AKAP8L: variants seen among roughly 807,000 people sequenced by gnomAD.
AKAP8L encodes the protein A-kinase anchor protein 8-like.
Under a neutral mutation model 77.5 loss-of-function variants are expected in AKAP8L, and 34 were observed. That is an observed-to-expected ratio of 0.44 (90% CI 0.33 to 0.58). The LOEUF (loss-of-function observed/expected upper bound fraction) is 0.58, where lower values mean the gene tolerates loss of function less well. AKAP8L is among the 20% of genes least tolerant of loss of function. The pLI is 0.02. For synonymous variants in AKAP8L, 342 were observed against 340.7 expected, an observed-to-expected ratio of 1.00 and a Z score of -0.04; for missense variants, 806 against 887.6, an observed-to-expected ratio of 0.91 and a Z score of 1.17.
rs760380831 is a variant in AKAP8L at position 15,410,541 on chromosome 19, C to T, written c.67G>A (p.Ala23Thr). The change falls in exon 2 of 14, where the codon GCT becomes ACT. Residue 23 changes from alanine to threonine, a missense_variant. Coordinates refer to ENST00000397410, the MANE Select transcript of AKAP8L (RefSeq NM_014371.4). ...TLQSTYSDTS[A>T]QPTCDYGYGT... ...TTACCATAATCACAGGTGGGCTGAG[C>T]GCTGGTATCCGAGTATGTCGACTGC... is the stretch of plus-strand genomic sequence containing the variant. 3 of 1,588,138 alleles carry T rather than the reference C, an allele frequency of 1.9e-6. No homozygotes were observed. Among genetic ancestry groups the T allele is most frequent in the African/African-American group, 1.3e-5 (1 of 74,500 alleles).
intron 1 of AKAP8L, among the ~76,000 whole-genome samples, chr19:15,414,537 G>A (rs1968168387): frequency 6.6e-6 from 1 of 151,714 alleles, no homozygotes; most frequent in Non-Finnish European, 1.5e-5. Flanking sequence ...CGCCCAGGCT[G>A]GAGTGCAGTG....
intron 12 of AKAP8L, among the ~76,000 whole-genome samples, chr19:15,384,082 C>G (rs1161165714): frequency 6.6e-6 from 1 of 151,720 alleles, no homozygotes; most frequent in Non-Finnish European, 1.5e-5. Context: ...TAGGCACCCA[C>G]CACCCCACCC....
rs868730441 is a variant in AKAP8L at position 15,397,863 on chromosome 19, A to G, written c.1158-8T>C. The stretch of plus-strand genomic sequence containing the variant: ...GAACACACAAACTGGATCCTGCCAC[A>G]GGAAGGAAACGAGGGGCTGAGGCTG... On this transcript the variant is annotated splice_region_variant and splice_polypyrimidine_tract_variant and intron_variant, in intron 9 of 13. Transcript: ENST00000397410. The surrounding 1 kb of genome is among the most constrained non-coding windows in gnomAD (Gnocchi z 4.7). 24 of 1,613,436 alleles carry G rather than the reference A, an allele frequency of 1.5e-5. No individual in the cohort carries two copies. Among genetic ancestry groups the G allele is most frequent in the Non-Finnish European group, 1.9e-5 (23 of 1,179,636 alleles).
chr19:15,414,565 T>A (rs1968169074), intron 1 of AKAP8L, among the ~76,000 whole-genome samples: 1 of 151,826 alleles, frequency 6.6e-6, no homozygotes, highest in Non-Finnish European at 1.5e-5. Flanking sequence ...CTTGGCTCAC[T>A]GCAAGCTCCG....
chr19:15,380,259 G>A lies in AKAP8L; in HGVS notation c.1804C>T (p.Pro602Ser). The A allele has an allele frequency of 1.3e-6, 2 of 1,498,936 alleles. No homozygotes were observed. Among genetic ancestry groups the A allele is most frequent in the East Asian group, 2.7e-5 (1 of 37,566 alleles). The allele number at this position is 1,498,936 out of a possible 1,614,324, so 92.9% of individuals were successfully genotyped here. A position where few individuals can be genotyped will look rare whatever the true frequency, so the allele number is the denominator to read the frequency against. ...TCCTCTGGGGGCGGCGGCGGTGGCG[G>A]CGACACGGCCCCGGGGGCTGGCTCT... Reference protein sequence around the residue: ...PPEPAPGAVSPPPPPPPEEEE... With the variant: ...PPEPAPGAVSSPPPPPPEEEE... Residue 602 changes from proline to serine, a missense_variant, in exon 14 of 14, where the codon CCG becomes TCG. Pro to Ser is a moderately conservative substitution (Grantham distance 74, BLOSUM62 -1). Around this residue, in one of 2 missense-constraint regions of AKAP8L, gnomAD observed 226 missense variants for 193.5 expected, o/e 1.17. Coordinates refer to ENST00000397410, the MANE Select transcript of AKAP8L (RefSeq NM_014371.4).
chr19:15,395,916 G>A (rs533406324), intron 12 of AKAP8L, among the ~76,000 whole-genome samples: 4 of 130,496 alleles, frequency 3.1e-5, no homozygotes, highest in East Asian at 5.1e-4. Flanking sequence ...CCCGGGAGGC[G>A]GAGCTTGCAG....
At position 15,380,422 on chromosome 19, in the gene AKAP8L, G is replaced by A; in HGVS notation, c.1641C>T (p.Asn547=). ...KKLERYLKGE[N]PFTDSPEEEK... ...CCTCCTCGGGGCTGTCGGTGAAAGGGTTCTCGCCCTGTGGGGAGGGGCGCG... is the reference window on the plus strand; with the variant it reads ...CCTCCTCGGGGCTGTCGGTGAAAGGATTCTCGCCCTGTGGGGAGGGGCGCG... The change falls in exon 14 of 14, where the codon AAC becomes AAT. Residue 547 remains asparagine (N), a synonymous_variant. Transcript: ENST00000397410. 1 of 1,604,204 alleles carries A rather than the reference G, an allele frequency of 6.2e-7. No homozygotes were observed. The highest frequency in any genetic ancestry group is 8.5e-7 in the Non-Finnish European group (1 of 1,176,170).
Position 15,399,981 on chromosome 19 carries a change from G to A in AKAP8L, c.1048+314C>T, listed in dbSNP as rs955173081. 4.1e-5 allele frequency: 20 copies of A among 482,238 alleles called. No individual in the cohort carries two copies. In the East Asian group the frequency reaches 4.2e-4, roughly 10 times the overall value. The allele number at this position is 482,238 out of a possible 1,614,324, so 29.9% of individuals were successfully genotyped here. ...AGCCACTGAGGACTTGGAACTGCGC[G>A]TTACTGAGGGACCGAGGGCAGGGGG... is the stretch of plus-strand genomic sequence containing the variant. On this transcript the variant is annotated intron_variant, in intron 8 of 13. Transcript: ENST00000397410. The surrounding 1 kb of genome is among the most constrained non-coding windows in gnomAD (Gnocchi z 6.1).
Position 15,380,368 on chromosome 19 carries a change from A to G in AKAP8L, c.1695T>C (p.Gly565=), listed in dbSNP as rs763186493. 3.1e-5 allele frequency: 48 copies of G among 1,563,628 alleles called. No individual in the cohort carries two copies. The South Asian group carries it at 5.2e-4, about 17-fold the overall frequency. Residue 565 remains glycine, a synonymous_variant, in exon 14 of 14, where the codon GGT becomes GGC. Transcript: ENST00000397410. ...CGCCCTGCGCCCCCTCGTCCAGGGC[A>G]CCGCCCTCAGCCTCCTCCTGCTCCT... ...EEKEQEEAEG[G]ALDEGAQGEA...
chr19:15,397,762 A>C lies in AKAP8L; in HGVS notation c.1251T>G (p.Phe417Leu), dbSNP rs769309592. 3 of 1,614,006 alleles carry C rather than the reference A, an allele frequency of 1.9e-6. No homozygotes were observed. Among genetic ancestry groups the C allele is most frequent in the Non-Finnish European group, 2.5e-6 (3 of 1,179,886 alleles). Residue 417 changes from phenylalanine (F) to leucine (L), a missense_variant, in exon 10 of 14, where the codon TTT becomes TTG. Phe to Leu is a conservative substitution (Grantham distance 22). Transcript: ENST00000397410. This position sits in a 1 kb window ranked among gnomAD's most constrained non-coding sequence, Gnocchi z 4.7. ...TAGGGAGCTTGGTGCCTACGTACTT[A>C]AAGTGTTCCTTGTGGAACTTGCTGT... ...HLDSKFHKEH[F>L]KYVGTKLPKQ...
In AKAP8L at chr19:15,403,414, G is replaced by C; in HGVS notation, c.362+61C>G. The C allele has an allele frequency of 6.6e-7, 1 of 1,522,982 alleles. No homozygotes were observed. Among genetic ancestry groups the C allele is most frequent in the Non-Finnish European group, 9.1e-7 (1 of 1,100,768 alleles). The allele number at this position is 1,522,982 out of a possible 1,614,324, so 94.3% of individuals were successfully genotyped here. On this transcript the variant is annotated intron_variant, in intron 4 of 13. Coordinates refer to ENST00000397410, the MANE Select transcript of AKAP8L (RefSeq NM_014371.4). The surrounding 1 kb of genome is among the most constrained non-coding windows in gnomAD (Gnocchi z 4.3). ...AGGGGCACTCAGAGAGGAAAACGCA[G>C]TGGGCAGCAGGCAGGAGCCGCCCCT...
rs566271359 is a variant in AKAP8L at position 15,392,031 on chromosome 19, A to G, written c.1536+5119T>C. 3.3e-5 allele frequency among the ~76,000 whole-genome samples: 5 copies of G among 152,290 alleles called. 1 individual carries two copies. Among genetic ancestry groups the G allele is most frequent in the African/African-American group, 1.2e-4 (5 of 41,560 alleles). ...GTTTCTTTTATACAGACAGGGTCTC[A>G]CTATGTTGCCCATGCTGGTCTCAAA... is the stretch of plus-strand genomic sequence containing the variant. On this transcript the variant is annotated intron_variant, in intron 12 of 13. Transcript: ENST00000397410.
chr19:15,401,343 C>T lies in AKAP8L; in HGVS notation c.623G>A (p.Arg208Gln), dbSNP rs763463437. The T allele has an allele frequency of 9.0e-5, 146 of 1,613,292 alleles. No individual in the cohort carries two copies. Among genetic ancestry groups the T allele is most frequent in the Admixed American group, 5.5e-4 (33 of 60,008 alleles). The change falls in exon 5 of 14, where the codon CGG becomes CAG. Residue 208 changes from arginine (R) to glutamine (Q), a missense_variant. Transcript: ENST00000397410. This position sits in a 1 kb window ranked among gnomAD's most constrained non-coding sequence, Gnocchi z 6.2. The stretch of plus-strand genomic sequence containing the variant: ...AGAGGCACCAGACATGCACTGGCCC[C>T]GGGCCCCCATGGGGTCTTCCCACAT... ...GRMWEDPMGA[R>Q]GQCMSGASRL...
At chr19:15,413,146 A>G (rs1308019888) in intron 1 of AKAP8L, among the ~76,000 whole-genome samples, 1 of 152,128 alleles carries the variant, frequency 6.6e-6, no homozygotes, top group Admixed American at 6.5e-5. Context: ...TTTCATCCTC[A>G]CCACAGACAA....
intron 12 of AKAP8L, among the ~76,000 whole-genome samples, chr19:15,382,288 G>A (rs573820458): frequency 2.0e-5 from 3 of 147,566 alleles, no homozygotes; most frequent in Middle Eastern, 3.5e-3. Flanking sequence ...TGCAACCTCC[G>A]CCTCCCAGGT....
At chr19:15,380,825 AAT>A in intron 12 of AKAP8L, 1 of 590,456 alleles carries the variant, frequency 1.7e-6, no homozygotes, top group Non-Finnish European at 3.0e-6. Context: ...ACTGTAGGTA[AAT>A]AAAAATACAG....
rs1341928428 is a variant in AKAP8L at position 15,398,820 on chromosome 19, C to G, written c.1157+482G>C. On this transcript the variant is annotated intron_variant, in intron 9 of 13. Transcript: ENST00000397410. This position sits in a 1 kb window ranked among gnomAD's most constrained non-coding sequence, Gnocchi z 9.2. ...CGTGAAGGGCTCAGCCGCAGACAGG[C>G]CCGGCCTGACAGGGCCGGCGGGCAG... The G allele has an allele frequency of 9.8e-6, 10 of 1,016,620 alleles. No individual in the cohort carries two copies. The highest frequency in any genetic ancestry group is 1.2e-5 in the Non-Finnish European group (10 of 849,212). 63.0% of individuals were successfully genotyped at this position (1,016,620 alleles called of 1,614,324 possible).
chr19:15,413,543 G>A (rs1968146268), intron 1 of AKAP8L, among the ~76,000 whole-genome samples: 1 of 152,144 alleles, frequency 6.6e-6, no homozygotes, highest in Non-Finnish European at 1.5e-5. Context: ...CCATTCAAAT[G>A]GATTCCTTCC....
At chr19:15,407,073 T>C (rs1199415395) in intron 2 of AKAP8L, among the ~76,000 whole-genome samples, 1 of 151,896 alleles carries the variant, frequency 6.6e-6, no homozygotes, top group African/African-American at 2.4e-5. Flanking sequence ...CTGGGCAACA[T>C]AGCAAAACCC....
Sources: allele counts gnomAD v4.1 joint callset (sites outside exome capture counted in the v4.1 genomes callset), GRCh38; gene constraint gnomAD v4.1.1; regional missense constraint gnomAD v4.1.1; non-coding constraint Gnocchi (gnomAD v3.1); transcripts MANE v1.5; gene names NCBI Gene and HGNC (gene_info 2026-07-23, HGNC 2026-07-21).